The following INSR variants were observed in gnomAD, a reference collection of about 807,000 sequenced individuals.
INSR encodes the protein IR.
Under a neutral mutation model 142.6 loss-of-function variants are expected in INSR, and 67 were observed. The observed-to-expected ratio is 0.47, with a 90% CI of 0.39 to 0.58. The LOEUF is 0.58. Ranked by LOEUF, INSR falls within the 20% of genes least tolerant of loss-of-function variation. The probability of loss-of-function intolerance (pLI) is 0.00; values close to 1 mark genes in which losing one functional copy is unlikely to be tolerated. For missense variants in INSR, 1,248 were observed against 1,833.2 expected (o/e 0.68, Z 5.83); for synonymous variants, 756 against 743.1 (o/e 1.02, Z -0.28).
chr19:7,117,268 C>T lies in INSR; in HGVS notation c.3937G>A (p.Glu1313Lys), dbSNP rs759636582. Residue 1313 changes from glutamate (E) to lysine (K), a missense_variant, in exon 22 of 22, where the codon GAG becomes AAG. Transcript: ENST00000302850. ...FFHSEENKAP[E>K]SEELEMEFED... ...AACTCCATCTCCAGCTCCTCACTCT[C>T]GGGAGCCTTGTTCTCCTCGCTGTGG... 8 of 1,614,206 alleles carry T rather than the reference C, an allele frequency of 5.0e-6. No individual in the cohort carries two copies. Among genetic ancestry groups the T allele is most frequent in the East Asian group, 4.5e-5 (2 of 44,886 alleles).
chr19:7,282,085 CG>C (rs1427257549), intron 1 of INSR, among the ~76,000 whole-genome samples: 1 of 152,162 alleles, frequency 6.6e-6, no homozygotes, highest in Non-Finnish European at 1.5e-5. Flanking sequence ...CGCGAGCCGG[CG>C]GGGCACGGTG....
chr19:7,150,552 G>C lies in INSR; in HGVS notation c.2232-20C>G, dbSNP rs773208347. 8 of 1,613,732 alleles carry C rather than the reference G, an allele frequency of 5.0e-6. No homozygotes were observed. The Middle Eastern group carries it at 5.0e-4, about 100-fold the overall frequency. On this transcript the variant is annotated intron_variant, in intron 10 of 21. Coordinates refer to ENST00000302850, the MANE Select transcript of INSR (RefSeq NM_000208.4). This position sits in a 1 kb window ranked among gnomAD's most constrained non-coding sequence, Gnocchi z 4.2. ...GTTTTTCTGTGGAAACAAAACCAAC[G>C]CCTTTGAGGACAGAGGGAACTTCAT...
chr19:7,153,010 A>C (rs1313692288), intron 9 of INSR, 83 bp from the exon 10 acceptor site: 56 of 601,472 alleles, frequency 9.3e-5, no homozygotes, highest in East Asian at 6.6e-4. Context: ...ACACACACAC[A>C]CACCACACAC....
At chr19:7,136,980 G>A (rs958247185) in intron 13 of INSR, among the ~76,000 whole-genome samples, 2 of 151,660 alleles carry the variant, frequency 1.3e-5, no homozygotes, top group Non-Finnish European at 2.9e-5. Context: ...TTACAGGCGT[G>A]CACCACCACG....
chr19:7,282,638 T>C (rs1968234684), intron 1 of INSR, among the ~76,000 whole-genome samples: 1 of 149,364 alleles, frequency 6.7e-6, no homozygotes, highest in Admixed American at 6.7e-5. Context: ...GCTGAGATCG[T>C]GACACTGCAT....
intron 2 of INSR, among the ~76,000 whole-genome samples, chr19:7,256,931 CTTTTT>C (rs772500676): frequency 6.4e-5 from 7 of 109,462 alleles, no homozygotes; most frequent in African/African-American, 2.4e-4. Flanking sequence ...TCTACCCTAC[CTTTTT>C]TTTTTTTTTT....
chr19:7,162,383 A>G (rs888625039), intron 9 of INSR, among the ~76,000 whole-genome samples: 2 of 149,658 alleles, frequency 1.3e-5, no homozygotes, highest in Non-Finnish European at 3.0e-5. Context: ...CCTGCAGACA[A>G]TTGTGGTGTT....
chr19:7,258,701 T>C (rs974561056), intron 2 of INSR, among the ~76,000 whole-genome samples: 1 of 149,012 alleles, frequency 6.7e-6, no homozygotes, highest in Non-Finnish European at 1.5e-5. Context: ...CAGTAAACAC[T>C]AGCTATTGAT....
rs550224450 is a variant in INSR at position 7,183,675 on chromosome 19, C to A, written c.974+641G>T. 5.1e-4 allele frequency among the ~76,000 whole-genome samples: 78 copies of A among 152,152 alleles called. 3 individuals are homozygous for A. In the South Asian group the frequency reaches 0.012, roughly 24 times the overall value. ...ATGAAGCTACATCAGTGAGGACAGG[C>A]CACGTGGAGGATTTTAGGGAAAACC... On this transcript the variant is annotated intron_variant, in intron 3 of 21. Coordinates refer to ENST00000302850, the MANE Select transcript of INSR (RefSeq NM_000208.4).
Position 7,172,301 on chromosome 19 carries a change from G to A in INSR, c.1257C>T (p.Thr419=), listed in dbSNP as rs755184599. ...TCAGGCCCACGTACCCAATTTCCAA[G>A]GTCTCTCCTCGAATCAGACGTAACT... ...FRKLRLIRGE[T]LEIGNYSFYA... The change falls in exon 5 of 22, where the codon ACC becomes ACT. Residue 419 remains threonine (T), a synonymous_variant. Coordinates refer to ENST00000302850, the MANE Select transcript of INSR (RefSeq NM_000208.4). 4 of 1,614,032 alleles carry A rather than the reference G, an allele frequency of 2.5e-6. No homozygotes were observed. In the South Asian group the frequency reaches 4.4e-5, roughly 18 times the overall value.
chr19:7,169,748 A>G lies in INSR; in HGVS notation c.1483+789T>C, dbSNP rs372999899. Among the ~76,000 whole-genome samples, 156 of 152,302 alleles carry G rather than the reference A, an allele frequency of 1.0e-3. 2 individuals are homozygous for G. Among genetic ancestry groups the G allele is most frequent in the Admixed American group, 6.0e-3 (92 of 15,286 alleles). On this transcript the variant is annotated intron_variant, in intron 6 of 21. Coordinates refer to ENST00000302850, the MANE Select transcript of INSR (RefSeq NM_000208.4). The stretch of plus-strand genomic sequence containing the variant: ...GAAGTCTTCAGCATCAGCCTGATAC[A>G]CATATAAGAAGGTGTCATCCATTCA...
In INSR at chr19:7,112,561, T is replaced by C. The variant is rs1286344637; in HGVS notation, c.*4495A>G. On this transcript the variant is annotated 3_prime_UTR_variant, in exon 22 of 22. Transcript: ENST00000302850. ...GGCAAAGTGTAAAGACTAAACAAGC[T>C]GTTCCTGAATATGTGCATGGGTGCA... 1.3e-5 allele frequency: 2 copies of C among 152,178 alleles called. No individual in the cohort carries two copies. The highest frequency in any genetic ancestry group is 3.9e-4 in the East Asian group (2 of 5,194). The allele number at this position is 152,178 out of a possible 1,614,324, so 9.4% of individuals were successfully genotyped here.
At chr19:7,127,068 T>C (rs943929304) in intron 15 of INSR, among the ~76,000 whole-genome samples, 18 of 152,256 alleles carry the variant, frequency 1.2e-4, no homozygotes, top group African/African-American at 3.9e-4. Flanking sequence ...CTGGCTAATT[T>C]GTAAAATTTC....
At chr19:7,153,331 C>A (rs1973478921) in intron 9 of INSR, among the ~76,000 whole-genome samples, 5 of 100,418 alleles carry the variant, frequency 5.0e-5, no homozygotes, top group Non-Finnish European at 5.4e-5. Flanking sequence ...ACCACACACA[C>A]CCACGCCACA....
intron 2 of INSR, among the ~76,000 whole-genome samples, chr19:7,213,884 G>A (rs528691291): frequency 1.3e-5 from 2 of 152,282 alleles, no homozygotes; most frequent in South Asian, 4.1e-4. Context: ...AGCTACGCGG[G>A]AGGGCTGAGG....
intron 1 of INSR, among the ~76,000 whole-genome samples, chr19:7,270,089 A>G (rs1004443290): frequency 1.3e-5 from 2 of 152,066 alleles, no homozygotes; most frequent in Non-Finnish European, 2.9e-5. Context: ...CAGCCTCCCA[A>G]GAAGTGTCCA....
chr19:7,276,921 G>A (rs1968077192), intron 1 of INSR, among the ~76,000 whole-genome samples: 1 of 152,060 alleles, frequency 6.6e-6, no homozygotes, highest in Admixed American at 6.6e-5. Context: ...AGTAGAGACA[G>A]GGTTTTGCCA....
At chr19:7,154,627 T>G (rs565361514) in intron 9 of INSR, among the ~76,000 whole-genome samples, 8 of 146,258 alleles carry the variant, frequency 5.5e-5, no homozygotes, top group Non-Finnish European at 1.2e-4. Context: ...ACCAACCTAA[T>G]AGAAACTGCC....
rs72990409 is a variant in INSR, at chr19:7,120,065, A to T, written c.3660-482T>A. 6.2e-3 allele frequency among the ~76,000 whole-genome samples: 951 copies of T among 152,342 alleles called. 7 individuals are homozygous for T. Among genetic ancestry groups the T allele is most frequent in the Non-Finnish European group, 9.6e-3 (651 of 68,024 alleles). ...AAGTCCAGCTAGGAACTGCTTGGAC[A>T]AACCTGCTTCCCATTCTATTCAGAG... is the stretch of plus-strand genomic sequence containing the variant. On this transcript the variant is annotated intron_variant, in intron 20 of 21. Transcript: ENST00000302850.
Sources: allele counts gnomAD v4.1 joint callset (sites outside exome capture counted in the v4.1 genomes callset), GRCh38; gene constraint gnomAD v4.1.1; non-coding constraint Gnocchi (gnomAD v3.1); transcripts MANE v1.5; gene names NCBI Gene and HGNC (gene_info 2026-07-23, HGNC 2026-07-21).